The following PAH variants were observed in gnomAD, a reference collection of about 807,000 sequenced individuals.
PAH encodes phenylalanine-4-hydroxylase.
PAH carries 64 observed loss-of-function variants against 62.0 expected under a neutral mutation model. That is an observed-to-expected ratio of 1.03 (90% CI 0.84 to 1.27). The LOEUF is 1.27. Among genes scored for constraint, PAH ranks in the 50% most tolerant of loss-of-function variants. The pLI is 0.00. For missense variants in PAH, 579 were observed against 542.8 expected (o/e 1.07, Z -0.66); for synonymous variants, 195 against 196.2 (o/e 0.99, Z 0.05).
intron 8 of PAH, 65 bp from the exon 9 acceptor site, chr12:102,847,016 A>C: frequency 1.4e-6 from 2 of 1,388,518 alleles, no homozygotes; most frequent in South Asian, 2.3e-5. Flanking sequence ...CCAACCTAGT[A>C]CTTGGCCATA....
At chr12:102,858,935 C>T (rs1875577771) in intron 5 of PAH, among the ~76,000 whole-genome samples, 1 of 152,056 alleles carries the variant, frequency 6.6e-6, no homozygotes, top group South Asian at 2.1e-4. Flanking sequence ...AGAACAAACA[C>T]ATTCAAAAGC....
At chr12:102,946,084 G>GACTC in intron 1 of PAH, 1 of 152,352 alleles carries the variant, frequency 6.6e-6, no homozygotes, top group Middle Eastern at 3.4e-3. Context: ...GGGACCTCAG[G>GACTC]ACTCTGCCCA....
chr12:102,868,088 G>A lies in PAH; in HGVS notation c.442-1425C>T, dbSNP rs370893459. ...CATATATATACATATATGTGTGTGT[G>A]TATATATATATATATACACATATAT... On this transcript the variant is annotated intron_variant, in intron 4 of 12. Transcript: ENST00000553106. 3.8e-3 allele frequency among the ~76,000 whole-genome samples: 170 copies of A among 45,208 alleles called. 23 individuals carry two copies. Among genetic ancestry groups the A allele is most frequent in the South Asian group, 7.7e-3 (11 of 1,424 alleles). 29.7% of individuals were successfully genotyped at this position (45,208 alleles called of 152,430 possible).
At chr12:102,942,828 C>T (rs73395447) in intron 1 of PAH, among the ~76,000 whole-genome samples, 4,803 of 152,076 alleles carry the variant, frequency 0.032, 263 homozygotes, top group African/African-American at 0.11. Context: ...GGAATACCTA[C>T]TCAATAAATG....
chr12:102,850,573 C>T (rs894982582), intron 8 of PAH, among the ~76,000 whole-genome samples: 2 of 152,160 alleles, frequency 1.3e-5, no homozygotes, highest in Admixed American at 1.3e-4. Flanking sequence ...AGGAAGATGA[C>T]TGGTGGAGAG....
Position 102,931,859 on chromosome 12 carries a change from G to A in PAH, c.-95-14634C>T, listed in dbSNP as rs117458918. Among the ~76,000 whole-genome samples the A allele has an allele frequency of 1.7e-4, 26 of 152,174 alleles. 1 individual carries two copies. Among genetic ancestry groups the A allele is most frequent in the East Asian group, 9.7e-4 (5 of 5,174 alleles). On this transcript the variant is annotated intron_variant, in intron 1 of 3. Transcript: ENST00000546844. The stretch of plus-strand genomic sequence containing the variant: ...GGTACATAGTAGGTATCCAATAAAC[G>A]TTGATGCAGTAATATTTATTGAGCT...
intron 3 of PAH, among the ~76,000 whole-genome samples, chr12:102,881,107 G>A (rs147641284): frequency 0.02 from 2,982 of 150,900 alleles, 100 homozygotes; most frequent in African/African-American, 0.066. Context: ...TACGCCTCCC[G>A]GGTTCAAGCA....
chr12:102,939,254 C>T (rs1001849070), intron 1 of PAH, among the ~76,000 whole-genome samples: 1 of 152,148 alleles, frequency 6.6e-6, no homozygotes, highest in African/African-American at 2.4e-5. Context: ...GCCACTGCTA[C>T]CTTCTGGCTG....
Position 102,855,560 on chromosome 12 carries a change from T to A in PAH, c.510-228A>T, listed in dbSNP as rs1307619586. On this transcript the variant is annotated intron_variant, in intron 5 of 12. Coordinates refer to ENST00000553106, the MANE Select transcript of PAH (RefSeq NM_000277.3). Reference sequence around the variant, plus strand: ...GATTTGGTTAAGCAGTGATACAGGCTACAATGAGGATTTGCTCTCACTTTC... The same window carrying A: ...GATTTGGTTAAGCAGTGATACAGGCAACAATGAGGATTTGCTCTCACTTTC... 1.4e-4 allele frequency among the ~76,000 whole-genome samples: 21 copies of A among 152,352 alleles called. No homozygotes were observed. The East Asian group carries it at 4.1e-3, about 29-fold the overall frequency.
upstream of PAH, among the ~76,000 whole-genome samples, chr12:102,951,053 G>T (rs1486210189): frequency 8.2e-6 from 1 of 122,506 alleles, no homozygotes; most frequent in African/African-American, 4.1e-5. Flanking sequence ...AATCAAGTTT[G>T]TGCGTGGGGG....
chr12:102,940,491 T>C (rs958732946), intron 1 of PAH, among the ~76,000 whole-genome samples: 6 of 152,248 alleles, frequency 3.9e-5, no homozygotes, highest in African/African-American at 1.4e-4. Context: ...ACCAAACTGA[T>C]CTAATAGAGC....
At chr12:102,922,515 T>G (rs1312239620) in intron 1 of PAH, among the ~76,000 whole-genome samples, 1 of 152,212 alleles carries the variant, frequency 6.6e-6, no homozygotes, top group African/African-American at 2.4e-5. Flanking sequence ...TTTTAAACTT[T>G]AAACTTAATG....
chr12:102,889,599 A>G (rs1877195602), intron 3 of PAH, among the ~76,000 whole-genome samples: 1 of 152,142 alleles, frequency 6.6e-6, no homozygotes, highest in African/African-American at 2.4e-5. Context: ...TCTGCTTTCC[A>G]CAGAACCAGT....
intron 1 of PAH, 50 bp downstream of exon 1, chr12:102,917,017 TTCTC>T: frequency 6.5e-7 from 1 of 1,539,172 alleles, no homozygotes; most frequent in Non-Finnish European, 9.0e-7. Context: ...TCGGATCTCT[TTCTC>T]TGGAGGCCCA....
chr12:102,851,114 GA>G (rs1275549671), intron 8 of PAH, among the ~76,000 whole-genome samples: 1 of 150,478 alleles, frequency 6.6e-6, no homozygotes, highest in Non-Finnish European at 1.5e-5. Context: ...GAAAGAAAAA[GA>G]AAAAGAAAGC....
chr12:102,941,803 A>C (rs897057077), intron 1 of PAH, among the ~76,000 whole-genome samples: 1 of 152,210 alleles, frequency 6.6e-6, no homozygotes, highest in Admixed American at 6.5e-5. Context: ...GTGATTTATC[A>C]CAAAAACAGA....
rs375364629 is a variant in PAH, at chr12:102,877,479, G to A, written c.424C>T (p.Leu142=). The change falls in exon 4 of 13, where the codon CTG becomes TTG. Residue 142 remains leucine, a synonymous_variant. Transcript: ENST00000553106. The part of the protein sequence containing the change: ...ANQILSYGAE[L]DADHPGFKDP... Reference sequence around the variant, plus strand: ...GGACTCACAGGGTGGTCAGCATCCAGTTCCGCTCCATAGCTGAGAATCTGA... The same window carrying A: ...GGACTCACAGGGTGGTCAGCATCCAATTCCGCTCCATAGCTGAGAATCTGA... 1.7e-5 allele frequency: 28 copies of A among 1,613,796 alleles called. No homozygotes were observed. In the Admixed American group the frequency reaches 2.7e-4, roughly 15 times the overall value.
rs199475692 is a variant in PAH, at chr12:102,852,845, T to C, written c.812A>G (p.His271Arg). The C allele has an allele frequency of 6.2e-7, 1 of 1,614,070 alleles. No individual in the cohort carries two copies. Among genetic ancestry groups the C allele is most frequent in the South Asian group, 1.1e-5 (1 of 91,074 alleles). ...GGGGGTATACATGGGCTTGGATCCA[T>C]GTCTGATGTACTGTGTGCAGTGGAA... ...RVFHCTQYIR[H>R]GSKPMYTPEP... Residue 271 changes from histidine (H) to arginine (R), a missense_variant, in exon 7 of 13, where the codon CAT becomes CGT. Physicochemically the swap from His to Arg is conservative, Grantham distance 29. Coordinates refer to ENST00000553106, the MANE Select transcript of PAH (RefSeq NM_000277.3).
intron 10 of PAH, among the ~76,000 whole-genome samples, 170 bp downstream of exon 10, chr12:102,844,166 C>T (rs1874723263): frequency 6.6e-6 from 1 of 152,176 alleles, no homozygotes; most frequent in African/African-American, 2.4e-5. Context: ...CTGTAAAACC[C>T]ACAGCCATCA....
Sources: allele counts gnomAD v4.1 joint callset (sites outside exome capture counted in the v4.1 genomes callset), GRCh38; gene constraint gnomAD v4.1.1; transcripts MANE v1.5; gene names NCBI Gene and HGNC (gene_info 2026-07-23, HGNC 2026-07-21).